APP: variants seen among roughly 807,000 people sequenced by gnomAD.
APP encodes amyloid beta precursor protein.
APP carries 31 observed loss-of-function variants against 101.4 expected under a neutral mutation model. The observed-to-expected ratio is 0.31, with a 90% CI of 0.23 to 0.41. The LOEUF (loss-of-function observed/expected upper bound fraction) is 0.41, where lower values mean the gene tolerates loss of function less well. APP is among the 10% of genes least tolerant of loss of function. The pLI is 1.00. For missense variants in APP, 839 were observed against 1,003.7 expected (o/e 0.84, Z 2.22); for synonymous variants, 366 against 364.4 (o/e 1.00, Z -0.05).
At chr21:26,139,613 C>T (rs770455442) in intron 1 of APP, among the ~76,000 whole-genome samples, 7 of 152,166 alleles carry the variant, frequency 4.6e-5, no homozygotes, top group Non-Finnish European at 2.9e-5. Context: ...TAAGAATTTT[C>T]AACAGGGCTC....
chr21:26,108,439 T>G (rs563877697), intron 2 of APP, among the ~76,000 whole-genome samples: 2 of 152,088 alleles, frequency 1.3e-5, no homozygotes, highest in Non-Finnish European at 2.9e-5. Flanking sequence ...AACAACCACA[T>G]AGGGCCAGTG....
At chr21:25,924,411 C>CAAAAAAAAA (rs551284093) in intron 13 of APP, among the ~76,000 whole-genome samples, 4 of 56,826 alleles carry the variant, frequency 7.0e-5, no homozygotes, top group East Asian at 6.9e-4. Context: ...TTTGCAAATA[C>CAAAAAAAAA]AAAAAAAAAA....
intron 6 of APP, among the ~76,000 whole-genome samples, chr21:26,019,552 A>T (rs1018800049): frequency 2.6e-5 from 4 of 152,176 alleles, no homozygotes; most frequent in African/African-American, 9.7e-5. Flanking sequence ...TTCCTAAGAG[A>T]TTTTAACATC....
intron 13 of APP, among the ~76,000 whole-genome samples, chr21:25,917,650 C>A (rs1259524723): frequency 6.6e-6 from 1 of 152,114 alleles, no homozygotes; most frequent in Non-Finnish European, 1.5e-5. Context: ...TACTGAACAG[C>A]TTCTTCCATC....
At chr21:25,959,515 CCTGA>C (rs749747309) in intron 11 of APP, among the ~76,000 whole-genome samples, 1 of 152,194 alleles carries the variant, frequency 6.6e-6, no homozygotes, top group Non-Finnish European at 1.5e-5. Context: ...GGAGTACTTG[CCTGA>C]CTTTCTAGTT....
At position 25,995,955 on chromosome 21, in the gene APP, T is replaced by C. The variant is rs2043039533; in HGVS notation, c.1090+1405A>G. Among the ~76,000 whole-genome samples the C allele has an allele frequency of 2.0e-5, 3 of 151,638 alleles. No individual in the cohort carries two copies. In the South Asian group the frequency reaches 6.2e-4, roughly 32 times the overall value. ...GTTTTGAGATGAGGGTTTTTTTTTT[T>C]CAGGATAATGTACACAAATGCTAAT... On this transcript the variant is annotated intron_variant, in intron 8 of 17. Coordinates refer to ENST00000346798, the MANE Select transcript of APP (RefSeq NM_000484.4).
chr21:26,063,231 A>G (rs953136030), intron 3 of APP, among the ~76,000 whole-genome samples: 81 of 152,342 alleles, frequency 5.3e-4, no homozygotes, highest in African/African-American at 1.9e-3. Flanking sequence ...TATTTAGCTT[A>G]ATATAGACTA....
At chr21:26,048,428 C>T (rs1037830805) in intron 5 of APP, among the ~76,000 whole-genome samples, 10 of 151,910 alleles carry the variant, frequency 6.6e-5, no homozygotes, top group African/African-American at 2.4e-4. Context: ...AAAAAAAAGG[C>T]AAAAAAATTT....
chr21:25,901,569 AC>A (rs942159096), intron 15 of APP, among the ~76,000 whole-genome samples: 7 of 147,810 alleles, frequency 4.7e-5, no homozygotes, highest in Admixed American at 1.3e-4. Context: ...TTACTAAAAG[AC>A]AAAATCAGTA....
chr21:25,885,446 T>TA (rs536524470), intron 17 of APP, among the ~76,000 whole-genome samples: 6 of 152,230 alleles, frequency 3.9e-5, no homozygotes, highest in Non-Finnish European at 8.8e-5. Context: ...GAAGGAATGA[T>TA]AAGACAATGA....
At chr21:26,123,926 T>C (rs2062628794) in intron 1 of APP, among the ~76,000 whole-genome samples, 1 of 151,980 alleles carries the variant, frequency 6.6e-6, no homozygotes, top group African/African-American at 2.4e-5. Context: ...GTTTTCTCTG[T>C]TTGAAGAGAA....
At position 26,073,913 on chromosome 21, in the gene APP, G is replaced by C. The variant is rs117950644; in HGVS notation, c.355+16030C>G. ...GAGCCTATTCATGTTAAATATGCTT[G>C]GAGAATATCATTAGTCCATGGCTTA... On this transcript the variant is annotated intron_variant, in intron 3 of 17. Transcript: ENST00000346798. Among the ~76,000 whole-genome samples, 1,443 of 152,230 alleles carry C rather than the reference G, an allele frequency of 9.5e-3. 11 individuals are homozygous for C. Among genetic ancestry groups the C allele is most frequent in the Non-Finnish European group, 0.015 (1,031 of 68,018 alleles).
intron 6 of APP, among the ~76,000 whole-genome samples, chr21:26,008,822 G>A (rs975634321): frequency 2.6e-5 from 4 of 152,074 alleles, no homozygotes; most frequent in African/African-American, 9.7e-5. Context: ...CATACTTGTT[G>A]GTATCTGTAA....
chr21:25,997,548 A>G (rs1336730104), intron 7 of APP, 132 bp from the exon 8 acceptor site: 7 of 761,096 alleles, frequency 9.2e-6, no homozygotes, highest in Admixed American at 2.2e-5. Context: ...GGTCCCTCCA[A>G]CAAAACCAAA....
chr21:25,897,366 G>A (rs978982444), intron 16 of APP, among the ~76,000 whole-genome samples: 1 of 152,136 alleles, frequency 6.6e-6, no homozygotes, highest in Non-Finnish European at 1.5e-5. Context: ...CACCCGCCTT[G>A]GCCTCCCAAA....
chr21:26,107,626 A>G (rs571737315), intron 2 of APP, among the ~76,000 whole-genome samples: 41 of 152,248 alleles, frequency 2.7e-4, no homozygotes, highest in African/African-American at 8.9e-4. Context: ...TTTGCCTTCA[A>G]TGCTGCAATT....
At chr21:25,891,676 C>T in intron 17 of APP, 46 bp downstream of exon 17, 2 of 1,596,784 alleles carry the variant, frequency 1.3e-6, no homozygotes, top group African/African-American at 1.3e-5. Context: ...CTAATTCTCT[C>T]ATAGTCTTAA....
At chr21:25,932,393 A>G (rs1314163200) in intron 13 of APP, among the ~76,000 whole-genome samples, 2 of 152,168 alleles carry the variant, frequency 1.3e-5, no homozygotes, top group South Asian at 4.1e-4. Context: ...TTGGTGCTGG[A>G]AAGTACGATC....
chr21:25,999,654 G>A (rs966184111), intron 7 of APP, among the ~76,000 whole-genome samples: 2 of 152,356 alleles, frequency 1.3e-5, no homozygotes, highest in African/African-American at 2.4e-5. Context: ...GAACACATAT[G>A]TACACGGACA....
Sources: gnomAD v4.1 joint callset for allele counts (sites outside exome capture counted in the v4.1 genomes callset) on GRCh38, gnomAD v4.1.1 for gene constraint, MANE v1.5 for transcripts, NCBI Gene and HGNC (gene_info 2026-07-23, HGNC 2026-07-21) for gene names.